ASXL2: variants seen among roughly 807,000 people sequenced by gnomAD.
ASXL2 encodes ASXL transcriptional regulator 2, also known as putative Polycomb group protein ASXL2.
Under a neutral mutation model 122.0 loss-of-function variants are expected in ASXL2, and 23 were observed. The ratio of observed to expected loss-of-function variants is 0.19; its 90% confidence interval spans 0.14 to 0.27. The LOEUF (loss-of-function observed/expected upper bound fraction) is 0.27, where lower values mean the gene tolerates loss of function less well. Among genes scored for constraint, ASXL2 ranks in the 10% least tolerant of loss-of-function variants. ASXL2 has a pLI of 1.00. For synonymous variants in ASXL2, 650 were observed against 637.0 expected (o/e 1.02, Z -0.31); for missense variants, 1,518 against 1,713.8 (o/e 0.89, Z 2.02).
At chr2:25,867,555 C>T (rs1408821675) in intron 1 of ASXL2, among the ~76,000 whole-genome samples, 3 of 152,128 alleles carry the variant, frequency 2.0e-5, no homozygotes, top group Admixed American at 2.0e-4. Flanking sequence ...AGTTTTATCT[C>T]CTCCCACCAG....
intron 1 of ASXL2, among the ~76,000 whole-genome samples, chr2:25,859,684 C>T (rs567556776): frequency 1.4e-3 from 216 of 152,252 alleles, no homozygotes; most frequent in Middle Eastern, 0.01. Context: ...CTTAAGCTCA[C>T]ATGGAATATT....
intron 8 of ASXL2, 62 bp from the exon 9 acceptor site, chr2:25,759,707 T>G (rs776343646): frequency 3.9e-5 from 60 of 1,530,320 alleles, no homozygotes; most frequent in Non-Finnish European, 5.2e-5. Flanking sequence ...ATATAAACTG[T>G]AGCTTTCTGT....
intron 3 of ASXL2, among the ~76,000 whole-genome samples, chr2:25,815,258 A>C (rs1345445385): frequency 6.6e-6 from 1 of 152,038 alleles, no homozygotes; most frequent in Non-Finnish European, 1.5e-5. Context: ...TCTGACCTTG[A>C]CCAAAATAAT....
chr2:25,768,498 C>T (rs755997105), intron 7 of ASXL2, among the ~76,000 whole-genome samples: 2 of 152,064 alleles, frequency 1.3e-5, no homozygotes, highest in Non-Finnish European at 2.9e-5. Flanking sequence ...GAGACAGGGT[C>T]TCACTATTTT....
chr2:25,799,394 T>C lies in ASXL2; in HGVS notation c.394A>G (p.Lys132Glu). The change falls in exon 5 of 13, where the codon AAA becomes GAA. Residue 132 changes from lysine to glutamate, a missense_variant. Physicochemically the swap from Lys to Glu is moderately conservative, Grantham distance 56. Transcript: ENST00000435504. ...GATCAGGTGGATTTACCTTTCCTTTTCCACCTGCTCTTTTTTCCCTCCTTG... is the reference window on the plus strand; with the variant it reads ...GATCAGGTGGATTTACCTTTCCTTTCCCACCTGCTCTTTTTTCCCTCCTTG... Reference protein sequence around the residue: ...SNKEGKKSRWKRKVSSSSPQS... With the variant: ...SNKEGKKSRWERKVSSSSPQS... 6.2e-7 allele frequency: 1 copy of C among 1,614,016 alleles called. No homozygotes were observed. Among genetic ancestry groups the C allele is most frequent in the South Asian group, 1.1e-5 (1 of 91,080 alleles).
intron 1 of ASXL2, among the ~76,000 whole-genome samples, chr2:25,863,525 T>A (rs1488122581): frequency 6.6e-6 from 1 of 150,900 alleles, no homozygotes; most frequent in Non-Finnish European, 1.5e-5. Context: ...ACCCTGTCTC[T>A]ACTAAAATAT....
chr2:25,784,053 C>CTAAATAAATAAATAAATAAATAAA (rs59180424), intron 5 of ASXL2, among the ~76,000 whole-genome samples: 1 of 138,396 alleles, frequency 7.2e-6, no homozygotes, highest in East Asian at 2.2e-4. Flanking sequence ...AACTCCATCT[C>CTAAATAAATAAATAAATAAATAAA]TAAATAAATA....
intron 8 of ASXL2, among the ~76,000 whole-genome samples, chr2:25,761,462 C>T (rs1251552654): frequency 1.3e-5 from 2 of 152,002 alleles, no homozygotes; most frequent in African/African-American, 4.8e-5. Flanking sequence ...ATCACAAGGT[C>T]AGGAGATCGA....
At chr2:25,750,535 T>C in intron 11 of ASXL2, 122 bp from the exon 12 acceptor site, 1 of 872,266 alleles carries the variant, frequency 1.1e-6, no homozygotes, top group Non-Finnish European at 1.7e-6. Context: ...CAGGTATTCA[T>C]GTATTATCTT....
chr2:25,805,832 C>T (rs539080137), intron 4 of ASXL2, among the ~76,000 whole-genome samples: 96 of 152,222 alleles, frequency 6.3e-4, no homozygotes, highest in African/African-American at 2.1e-3. Flanking sequence ...CACACCGCTA[C>T]GCCCTGGCTA....
Position 25,797,275 on chromosome 2 carries a change from C to T in ASXL2, c.403+2110G>A, listed in dbSNP as rs1466985075. Among the ~76,000 whole-genome samples the T allele has an allele frequency of 3.3e-5, 5 of 151,874 alleles. No individual in the cohort carries two copies. The East Asian group carries it at 5.8e-4, about 18-fold the overall frequency. ...GCCTGGCCAACATGGTGAAACCCCA[C>T]CTCTACTAAAAATACAAAAATTAGT... On this transcript the variant is annotated intron_variant, in intron 5 of 12. Coordinates refer to ENST00000435504, the MANE Select transcript of ASXL2 (RefSeq NM_018263.6).
At chr2:25,851,132 G>C (rs1461545847) in intron 1 of ASXL2, among the ~76,000 whole-genome samples, 2 of 143,690 alleles carry the variant, frequency 1.4e-5, no homozygotes, top group East Asian at 4.0e-4. Flanking sequence ...GGCAACAAGA[G>C]CAAAACTCCT....
At chr2:25,805,472 T>G (rs2089067640) in intron 4 of ASXL2, among the ~76,000 whole-genome samples, 1 of 151,998 alleles carries the variant, frequency 6.6e-6, no homozygotes, top group East Asian at 1.9e-4. Flanking sequence ...CTTTTTCCTG[T>G]CTTTTTGTAC....
intron 1 of ASXL2, among the ~76,000 whole-genome samples, chr2:25,876,688 C>T (rs1369937945): frequency 6.6e-6 from 1 of 152,028 alleles, no homozygotes; most frequent in African/African-American, 2.4e-5. Flanking sequence ...GCAACCTCTA[C>T]ACCTTCAAAA....
intron 1 of ASXL2, among the ~76,000 whole-genome samples, chr2:25,856,194 C>G (rs1257217424): frequency 3.3e-5 from 5 of 151,582 alleles, no homozygotes; most frequent in Non-Finnish European, 7.4e-5. Flanking sequence ...GTAGCTGGGA[C>G]TACAGGCCTG....
At chr2:25,790,382 A>C (rs184897688) in intron 5 of ASXL2, among the ~76,000 whole-genome samples, 45 of 151,930 alleles carry the variant, frequency 3.0e-4, no homozygotes, top group Admixed American at 7.9e-4. Context: ...ATCTTAAAAA[A>C]AAAAACAAAA....
intron 4 of ASXL2, among the ~76,000 whole-genome samples, chr2:25,801,548 T>C (rs560669351): frequency 6.6e-6 from 1 of 152,216 alleles, no homozygotes; most frequent in African/African-American, 2.4e-5. Flanking sequence ...GCAGGACAGC[T>C]TTTATAGAGT....
At chr2:25,751,582 C>T (rs181982508) in intron 11 of ASXL2, among the ~76,000 whole-genome samples, 2 of 151,320 alleles carry the variant, frequency 1.3e-5, no homozygotes, top group East Asian at 1.9e-4. Flanking sequence ...TACAGTGAAC[C>T]GTGATTGTGC....
chr2:25,768,178 G>C (rs892199384), intron 7 of ASXL2, among the ~76,000 whole-genome samples: 3 of 152,230 alleles, frequency 2.0e-5, no homozygotes, highest in Non-Finnish European at 2.9e-5. Flanking sequence ...AACTGGCTAA[G>C]AGTTTAGTTT....
Sources: gnomAD v4.1 joint callset for allele counts (sites outside exome capture counted in the v4.1 genomes callset) on GRCh38, gnomAD v4.1.1 for gene constraint, MANE v1.5 for transcripts, NCBI Gene and HGNC (gene_info 2026-07-23, HGNC 2026-07-21) for gene names.